The following CDC42SE2 variants were observed in gnomAD, a reference collection of about 807,000 sequenced individuals.
CDC42SE2 encodes CDC42 small effector protein 2.
Under a neutral mutation model 11.5 loss-of-function variants are expected in CDC42SE2, and 3 were observed. That is an observed-to-expected ratio of 0.26 (90% CI 0.12 to 0.67). CDC42SE2 has a LOEUF of 0.67. Ranked by LOEUF, CDC42SE2 falls within the 30% of genes least tolerant of loss-of-function variation. The pLI is 0.80. For missense variants in CDC42SE2, 82 were observed against 106.8 expected (o/e 0.77, Z 1.02); for synonymous variants, 33 against 34.8 (o/e 0.95, Z 0.18).
chr5:131,361,892 G>C (rs1019465588), intron 3 of CDC42SE2, among the ~76,000 whole-genome samples: 1 of 152,046 alleles, frequency 6.6e-6, no homozygotes, highest in African/African-American at 2.4e-5. Context: ...GTGTTCCCTC[G>C]ACGTCTTTTC....
chr5:131,363,721 A>C (rs1363939794), intron 3 of CDC42SE2, among the ~76,000 whole-genome samples: 1 of 82,412 alleles, frequency 1.2e-5, no homozygotes, highest in Non-Finnish European at 2.3e-5. Context: ...TTTGAGAAGG[A>C]GTCTCGCTGT....
In CDC42SE2 at chr5:131,278,374, C is replaced by T. The variant is rs114426418; in HGVS notation, c.-455+14208C>T. ...ACCTAGAAAAGAAACTGGATTATTC[C>T]GATAAAAGCCTGTTTTAGAAAAGGA... is the stretch of plus-strand genomic sequence containing the variant. On this transcript the variant is annotated intron_variant, in intron 1 of 4. Coordinates refer to ENST00000505065, the MANE Select transcript of CDC42SE2 (RefSeq NM_001375635.1). Among the ~76,000 whole-genome samples, 1,153 of 152,086 alleles carry T rather than the reference C, an allele frequency of 7.6e-3. 17 individuals are homozygous for T. The highest frequency in any genetic ancestry group is 0.026 in the African/African-American group (1,094 of 41,472).
At chr5:131,363,525 C>T (rs1225227125) in intron 3 of CDC42SE2, among the ~76,000 whole-genome samples, 1 of 149,364 alleles carries the variant, frequency 6.7e-6, no homozygotes, top group Non-Finnish European at 1.5e-5. Context: ...TACAGGCACC[C>T]TCCACCATGC....
At chr5:131,279,933 C>T (rs1757204207) in intron 1 of CDC42SE2, among the ~76,000 whole-genome samples, 1 of 151,946 alleles carries the variant, frequency 6.6e-6, no homozygotes, top group Non-Finnish European at 1.5e-5. Flanking sequence ...ATTAGCTGGG[C>T]ATGAGTGTGT....
upstream of CDC42SE2, among the ~76,000 whole-genome samples, chr5:131,261,936 G>A (rs1187366384): frequency 6.8e-6 from 1 of 147,860 alleles, no homozygotes; most frequent in Non-Finnish European, 1.5e-5. Context: ...TTTAACTGAT[G>A]AGAAGGGTGC....
At chr5:131,350,369 T>C (rs925628276) in intron 2 of CDC42SE2, among the ~76,000 whole-genome samples, 3 of 151,818 alleles carry the variant, frequency 2.0e-5, no homozygotes, top group African/African-American at 4.8e-5. Flanking sequence ...CTGAGTAAAC[T>C]GTGAAATATT....
In CDC42SE2 at chr5:131,360,367, G is replaced by A. The variant is rs182761155; in HGVS notation, c.54+820G>A. 6.0e-3 allele frequency among the ~76,000 whole-genome samples: 911 copies of A among 152,200 alleles called. 11 individuals carry two copies. The highest frequency in any genetic ancestry group is 0.021 in the African/African-American group (881 of 41,506). ...ACTCCTGACCTCAGGTGATCCACCC[G>A]CCTCTGCCTCCCAAAATGCTGGGAT... On this transcript the variant is annotated intron_variant, in intron 3 of 4. Coordinates refer to ENST00000505065, the MANE Select transcript of CDC42SE2 (RefSeq NM_001375635.1).
intron 2 of CDC42SE2, chr5:131,354,822 C>T (rs1039563079): frequency 4.0e-5 from 6 of 151,756 alleles, no homozygotes; most frequent in Non-Finnish European, 5.9e-5. Flanking sequence ...AAGTCCAAAA[C>T]GTAAAAAAAA....
intron 1 of CDC42SE2, among the ~76,000 whole-genome samples, chr5:131,273,158 ATTT>A (rs565779371): frequency 2.2e-5 from 3 of 138,882 alleles, no homozygotes; most frequent in African/African-American, 5.3e-5. Context: ...TTTTTTTATA[ATTT>A]TTTTTTTTTT....
intron 2 of CDC42SE2, among the ~76,000 whole-genome samples, chr5:131,320,978 A>G (rs1431041094): frequency 6.6e-6 from 1 of 152,124 alleles, no homozygotes; most frequent in East Asian, 1.9e-4. Context: ...TTTCCTCTTT[A>G]TATTCTTGGA....
intron 1 of CDC42SE2, among the ~76,000 whole-genome samples, chr5:131,287,455 ATTTTTTTTCTTTTTC>A (rs1561572818): frequency 3.4e-5 from 5 of 148,338 alleles, no homozygotes; most frequent in Non-Finnish European, 7.5e-5. Flanking sequence ...TGTTTGTAGA[ATTTTTTTTCTTTTTC>A]TTTTTTTTTT....
intron 1 of CDC42SE2, among the ~76,000 whole-genome samples, chr5:131,253,997 T>A (rs1756660642): frequency 6.6e-6 from 1 of 152,206 alleles, no homozygotes. Context: ...CTCTGAAGAT[T>A]TCACAGGGCT....
intron 1 of CDC42SE2, among the ~76,000 whole-genome samples, chr5:131,299,285 A>G (rs909578885): frequency 2.6e-5 from 4 of 152,120 alleles, no homozygotes; most frequent in Non-Finnish European, 5.9e-5. Context: ...TGGGGAACAA[A>G]TTGGAGGGAC....
the CDC42SE2 span, among the ~76,000 whole-genome samples, chr5:131,223,180 A>G: frequency 6.6e-6 from 1 of 152,194 alleles, no homozygotes. Flanking sequence ...TCAAGTGACT[A>G]TAAAACATAA....
At chr5:131,242,746 A>T (rs928736964), upstream of CDC42SE2, among the ~76,000 whole-genome samples, 1 of 151,850 alleles carries the variant, frequency 6.6e-6, no homozygotes, top group South Asian at 2.1e-4. Context: ...TGGTCTAAGA[A>T]CCTCTTACTG....
intron 3 of CDC42SE2, among the ~76,000 whole-genome samples, chr5:131,384,262 G>A (rs1181008047): frequency 6.6e-6 from 1 of 152,154 alleles, no homozygotes; most frequent in Non-Finnish European, 1.5e-5. Context: ...CAATGTATAT[G>A]GACTTCTAAA....
chr5:131,299,478 C>T (rs1242292074), intron 1 of CDC42SE2, among the ~76,000 whole-genome samples: 1 of 152,072 alleles, frequency 6.6e-6, no homozygotes, highest in Admixed American at 6.6e-5. Context: ...ATGCTTGTTT[C>T]TGGCTTCGTA....
At chr5:131,241,408 G>A (rs1245309888), upstream of CDC42SE2, among the ~76,000 whole-genome samples, 1 of 151,876 alleles carries the variant, frequency 6.6e-6, no homozygotes, top group African/African-American at 2.4e-5. Flanking sequence ...TATACCTCAG[G>A]CCTCAAAGTT....
intron 2 of CDC42SE2, among the ~76,000 whole-genome samples, chr5:131,316,484 G>T (rs1758041448): frequency 6.6e-6 from 1 of 152,204 alleles, no homozygotes; most frequent in Admixed American, 6.5e-5. Context: ...TTTAATCTTA[G>T]TTGTGGTAGG....
Sources: gnomAD v4.1 joint callset for allele counts (sites outside exome capture counted in the v4.1 genomes callset) on GRCh38, gnomAD v4.1.1 for gene constraint, MANE v1.5 for transcripts, NCBI Gene and HGNC (gene_info 2026-07-23, HGNC 2026-07-21) for gene names.